The following ZNF536 variants were observed in gnomAD, a reference collection of about 807,000 sequenced individuals.
ZNF536 encodes the protein zinc finger protein 536.
Under a neutral mutation model 84.5 loss-of-function variants are expected in ZNF536, and 13 were observed. The observed-to-expected ratio is 0.15, with a 90% CI of 0.10 to 0.24. ZNF536 has a LOEUF of 0.24. Ranked by LOEUF, ZNF536 falls within the 10% of genes least tolerant of loss-of-function variation. ZNF536 has a pLI of 1.00. For missense variants in ZNF536, 1,536 were observed against 1,747.5 expected (o/e 0.88, Z 2.16); for synonymous variants, 811 against 742.5 (o/e 1.09, Z -1.50).
upstream of ZNF536, among the ~76,000 whole-genome samples, chr19:30,225,871 T>A (rs2022584476): frequency 7.6e-6 from 1 of 131,932 alleles, no homozygotes. Flanking sequence ...TCTCGCCCCA[T>A]CGCGATTAAA....
chr19:30,689,972 T>G (rs2051345324), intron 1 of ZNF536, among the ~76,000 whole-genome samples: 1 of 152,152 alleles, frequency 6.6e-6, no homozygotes, highest in South Asian at 2.1e-4. Context: ...TCTGGTTGTT[T>G]GAATGCCAGT....
chr19:30,460,630 G>A (rs2053089532), intron 2 of ZNF536, among the ~76,000 whole-genome samples: 1 of 152,128 alleles, frequency 6.6e-6, no homozygotes, highest in African/African-American at 2.4e-5. Context: ...AGTGACAATG[G>A]ACACCAGCAA....
At chr19:30,399,355 T>C (rs1012473363) in intron 1 of ZNF536, among the ~76,000 whole-genome samples, 2 of 151,824 alleles carry the variant, frequency 1.3e-5, no homozygotes, top group African/African-American at 2.4e-5. Context: ...TTTTCTCCCA[T>C]TCTGTAGGTT....
At chr19:30,590,692 A>G (rs138211502) in intron 1 of ZNF536, among the ~76,000 whole-genome samples, 1 of 152,270 alleles carries the variant, frequency 6.6e-6, no homozygotes, top group East Asian at 1.9e-4. Context: ...TCCAGGTCTC[A>G]CTGTACTGTG....
chr19:30,446,909 C>T (rs1266421868), intron 2 of ZNF536, among the ~76,000 whole-genome samples: 1 of 152,150 alleles, frequency 6.6e-6, no homozygotes, highest in Non-Finnish European at 1.5e-5. Context: ...TGCCTTCATC[C>T]ATATTTCCAA....
chr19:30,524,924 T>C (rs2044513595), intron 2 of ZNF536, among the ~76,000 whole-genome samples: 1 of 152,180 alleles, frequency 6.6e-6, no homozygotes, highest in Admixed American at 6.5e-5. Context: ...ACAAATATTT[T>C]ATTATAATTA....
chr19:30,581,940 T>TAAAAC (rs910501289), intron 1 of ZNF536, among the ~76,000 whole-genome samples: 1 of 151,904 alleles, frequency 6.6e-6, no homozygotes, highest in African/African-American at 2.4e-5. Flanking sequence ...CTCCTCTGTG[T>TAAAAC]AAAACAAAAC....
intron 1 of ZNF536, among the ~76,000 whole-genome samples, chr19:30,405,768 G>A (rs1732324535): frequency 6.6e-6 from 1 of 151,044 alleles, no homozygotes; most frequent in African/African-American, 2.4e-5. Flanking sequence ...TTGATGCAGA[G>A]GCACTGTTAA....
chr19:30,634,395 G>C (rs995101786), intron 1 of ZNF536, among the ~76,000 whole-genome samples: 2 of 152,152 alleles, frequency 1.3e-5, no homozygotes, highest in African/African-American at 4.8e-5. Context: ...GACTTGGAAA[G>C]CTCTGGCTAA....
At chr19:30,242,453 T>TG (rs2024006144) in intron 1 of ZNF536, among the ~76,000 whole-genome samples, 1 of 152,138 alleles carries the variant, frequency 6.6e-6, no homozygotes, top group African/African-American at 2.4e-5. Context: ...GTCTAAAGGG[T>TG]GGGAGGGTCC....
chr19:30,431,310 G>T (rs547037438), intron 1 of ZNF536, among the ~76,000 whole-genome samples: 173 of 152,244 alleles, frequency 1.1e-3, no homozygotes, highest in African/African-American at 4.0e-3. Context: ...CTAAATTGGG[G>T]ACCTCAAGAC....
At chr19:30,383,629 TCTTCCTTTCTTC>T in intron 1 of ZNF536, among the ~76,000 whole-genome samples, 1 of 145,348 alleles carries the variant, frequency 6.9e-6, no homozygotes, top group South Asian at 2.3e-4. Context: ...TCTCTTTCTT[TCTTCCTTTCTTC>T]CTTCCTTTCT....
intron 3 of ZNF536, among the ~76,000 whole-genome samples, chr19:30,541,398 A>G (rs555839266): frequency 5.5e-5 from 5 of 91,738 alleles, no homozygotes; most frequent in South Asian, 5.4e-4. Flanking sequence ...AGTAATGATG[A>G]AAAAAAAAAA....
chr19:30,442,798 A>G (rs2052115694), intron 1 of ZNF536, among the ~76,000 whole-genome samples: 1 of 152,148 alleles, frequency 6.6e-6, no homozygotes, highest in South Asian at 2.1e-4. Flanking sequence ...AATTTAATAT[A>G]CCTCGTTAAT....
chr19:30,385,317 G>T (rs1417041880), intron 1 of ZNF536, among the ~76,000 whole-genome samples: 1 of 152,168 alleles, frequency 6.6e-6, no homozygotes, highest in Non-Finnish European at 1.5e-5. Flanking sequence ...AGTGTGGGTT[G>T]TGGTGGCTGA....
chr19:30,535,692 C>T (rs534941773), intron 3 of ZNF536, among the ~76,000 whole-genome samples: 1 of 151,812 alleles, frequency 6.6e-6, no homozygotes, highest in South Asian at 2.1e-4. Flanking sequence ...TCCTTTTTAG[C>T]TTTCTGCTTG....
At chr19:30,634,157 G>A (rs1350137668) in intron 1 of ZNF536, among the ~76,000 whole-genome samples, 3 of 151,992 alleles carry the variant, frequency 2.0e-5, no homozygotes, top group Non-Finnish European at 2.9e-5. Context: ...TTTCTCTCCC[G>A]CCTCTTGGTG....
chr19:30,430,716 C>T (rs2051418805), intron 1 of ZNF536, among the ~76,000 whole-genome samples: 1 of 152,198 alleles, frequency 6.6e-6, no homozygotes, highest in African/African-American at 2.4e-5. Flanking sequence ...TCTCTTTCAC[C>T]CAGGCTAGAG....
intron 2 of ZNF536, among the ~76,000 whole-genome samples, chr19:30,493,245 C>T (rs1432269232): frequency 2.0e-5 from 3 of 151,864 alleles, no homozygotes; most frequent in Non-Finnish European, 4.4e-5. Context: ...CCTCCCCTGC[C>T]CAGTCACCAG....
Sources: allele counts gnomAD v4.1 joint callset (sites outside exome capture counted in the v4.1 genomes callset), GRCh38; gene constraint gnomAD v4.1.1; transcripts MANE v1.5; gene names NCBI Gene and HGNC (gene_info 2026-07-23, HGNC 2026-07-21).